CERKL: variants seen among roughly 807,000 people sequenced by gnomAD.
The protein encoded by CERKL is CERK like autophagy regulator, also known as ceramide kinase-like protein.
A neutral mutation model predicts 63.4 loss-of-function variants in CERKL; 61 were observed. The ratio of observed to expected loss-of-function variants is 0.96; its 90% CI spans 0.78 to 1.19. The LOEUF is 1.19. Ranked by LOEUF, CERKL falls within the 50% of genes most tolerant of loss-of-function variation. The probability of loss-of-function intolerance (pLI) is 0.00; values close to 1 mark genes in which losing one functional copy is unlikely to be tolerated. For missense variants in CERKL, 675 were observed against 655.5 expected (o/e 1.03, Z -0.33); for synonymous variants, 250 against 230.5 (o/e 1.08, Z -0.77).
intron 5 of CERKL, 99 bp from the exon 6 acceptor site, chr2:181,549,807 T>C: frequency 1.2e-6 from 1 of 819,676 alleles, no homozygotes; most frequent in East Asian, 2.5e-5. Context: ...AATGTTCAGA[T>C]GAAAAATAAA....
At chr2:181,582,383 A>G (rs1684549049) in intron 2 of CERKL, among the ~76,000 whole-genome samples, 1 of 152,136 alleles carries the variant, frequency 6.6e-6, no homozygotes, top group South Asian at 2.1e-4. Context: ...ACACAGCAAC[A>G]GTTGTAGGCC....
chr2:181,646,238 CCTGA>C lies in CERKL; in HGVS notation c.238+10527_238+10530del, dbSNP rs571266112. Among the ~76,000 whole-genome samples, 13 of 152,310 alleles carry C rather than the reference CCTGA, an allele frequency of 8.5e-5. No homozygotes were observed. In the East Asian group the frequency reaches 2.5e-3, roughly 29 times the overall value. On this transcript the variant is annotated intron_variant, in intron 1 of 12. Coordinates refer to ENST00000410087, the MANE Select transcript of CERKL (RefSeq NM_201548.5). Reference sequence around the variant, plus strand: ...GTGAGGCTAGAGTTACCTTCAGAATCCTGACTTAGATAACATTCCAGATAGCTTC... The same window carrying C: ...GTGAGGCTAGAGTTACCTTCAGAATCCTTAGATAACATTCCAGATAGCTTC...
rs118167421 is a variant in CERKL, at chr2:181,642,332, T to C, written c.238+14437A>G. On this transcript the variant is annotated intron_variant, in intron 1 of 12. Coordinates refer to ENST00000410087, the MANE Select transcript of CERKL (RefSeq NM_201548.5). ...CAGAACACCCGGTATCCATTTCACG[T>C]ACATCTGTTCCCAAACAGCTTAGAC... is the stretch of plus-strand genomic sequence containing the variant. 2.4e-3 allele frequency among the ~76,000 whole-genome samples: 366 copies of C among 152,344 alleles called. 11 individuals carry two copies. The East Asian group carries it at 0.053, about 22-fold the overall frequency.
Position 181,537,955 on chromosome 2 carries a change from A to C in CERKL, c.*229T>G. On this transcript the variant is annotated 3_prime_UTR_variant, in exon 13 of 13. Transcript: ENST00000410087. ...AGATTCTCATAGAAGTGCGAACCAT[A>C]TGGTGAACTGGTATGTGAGGGATCT... is the stretch of plus-strand genomic sequence containing the variant. The C allele has an allele frequency of 1.6e-6, 1 of 636,946 alleles. No individual in the cohort carries two copies. The highest frequency in any genetic ancestry group is 2.9e-6 in the Non-Finnish European group (1 of 340,090). The allele number at this position is 636,946 out of a possible 1,614,324, so 39.5% of individuals were successfully genotyped here. A position where few individuals can be genotyped will look rare whatever the true frequency, so the allele number is the denominator to read the frequency against.
intron 3 of CERKL, among the ~76,000 whole-genome samples, chr2:181,572,599 T>C (rs1361148951): frequency 6.6e-6 from 1 of 152,096 alleles, no homozygotes; most frequent in Non-Finnish European, 1.5e-5. Context: ...TAAATCTGAA[T>C]TTTCTCTTTT....
intron 1 of CERKL, among the ~76,000 whole-genome samples, chr2:181,648,793 G>A (rs544533155): frequency 9.2e-5 from 14 of 152,144 alleles, no homozygotes; most frequent in African/African-American, 2.2e-4. Context: ...TAGGGATGGC[G>A]GAGGAAAAAA....
At chr2:181,618,562 C>T (rs1037112814) in intron 1 of CERKL, among the ~76,000 whole-genome samples, 1 of 151,818 alleles carries the variant, frequency 6.6e-6, no homozygotes, top group South Asian at 2.1e-4. Flanking sequence ...GGATTACAGG[C>T]GCCCACCACC....
chr2:181,569,879 G>C (rs918841520), intron 3 of CERKL, among the ~76,000 whole-genome samples: 2 of 152,044 alleles, frequency 1.3e-5, no homozygotes, highest in Admixed American at 1.3e-4. Context: ...ACAAAGAGGC[G>C]AATGTCAGCT....
At chr2:181,592,887 G>A (rs1481452470) in intron 2 of CERKL, among the ~76,000 whole-genome samples, 2 of 152,094 alleles carry the variant, frequency 1.3e-5, no homozygotes, top group Non-Finnish European at 2.9e-5. Flanking sequence ...TGATAATGAT[G>A]AATTCTATTA....
At position 181,594,758 on chromosome 2, in the gene CERKL, G is replaced by GA. The variant is rs575985058; in HGVS notation, c.481+9078dup. On this transcript the variant is annotated intron_variant, in intron 2 of 12. Coordinates refer to ENST00000410087, the MANE Select transcript of CERKL (RefSeq NM_201548.5). ...TTGCTTTAAAGATGATCGACAAGGA[G>GA]AAAAAAATGGTTGATTTGAAAACTA... 1.3e-4 allele frequency among the ~76,000 whole-genome samples: 20 copies of GA among 152,044 alleles called. No individual in the cohort carries two copies. The South Asian group carries it at 3.7e-3, about 28-fold the overall frequency.
At chr2:181,646,995 G>A (rs1366350651) in intron 1 of CERKL, among the ~76,000 whole-genome samples, 5 of 152,190 alleles carry the variant, frequency 3.3e-5, no homozygotes, top group African/African-American at 1.2e-4. Flanking sequence ...TAGGATCAAG[G>A]CAGGGAACTG....
intron 1 of CERKL, among the ~76,000 whole-genome samples, chr2:181,613,621 CTA>C (rs993660596): frequency 1.3e-5 from 2 of 152,144 alleles, no homozygotes; most frequent in African/African-American, 4.8e-5. Flanking sequence ...AAAAGAAAAA[CTA>C]TAGGCTTAGA....
chr2:181,551,030 T>G (rs1687961338), intron 5 of CERKL, among the ~76,000 whole-genome samples: 1 of 152,152 alleles, frequency 6.6e-6, no homozygotes, highest in East Asian at 1.9e-4. Flanking sequence ...AGAAACAATG[T>G]CTTGTTCCTC....
chr2:181,627,773 A>G (rs1357103308), intron 1 of CERKL, among the ~76,000 whole-genome samples: 1 of 152,184 alleles, frequency 6.6e-6, no homozygotes, highest in African/African-American at 2.4e-5. Context: ...TGTAAGGAAC[A>G]CTGCATACAT....
In CERKL at chr2:181,538,204, C is replaced by G. The variant is rs753367773; in HGVS notation, c.1579G>C (p.Glu527Gln). 24 of 1,584,298 alleles carry G rather than the reference C, an allele frequency of 1.5e-5. 1 individual carries two copies. The South Asian group carries it at 2.3e-4, about 15-fold the overall frequency. ...RLISLYGGSM[E>Q]EMIPK Reference sequence around the variant, plus strand: ...ACATGTTACTTTGGAATCATTTCTTCCATGCTTCCTCCATAAAGACTGATA... The same window carrying G: ...ACATGTTACTTTGGAATCATTTCTTGCATGCTTCCTCCATAAAGACTGATA... Residue 527 changes from glutamate (E) to glutamine (Q), a missense_variant, in exon 13 of 13, where the codon GAA becomes CAA. By Grantham distance (29) the Glu-to-Gln change is conservative. Coordinates refer to ENST00000410087, the MANE Select transcript of CERKL (RefSeq NM_201548.5).
At position 181,633,172 on chromosome 2, in the gene CERKL, T is replaced by C. The variant is rs188284289; in HGVS notation, c.238+23597A>G. On this transcript the variant is annotated intron_variant, in intron 1 of 12. Coordinates refer to ENST00000410087, the MANE Select transcript of CERKL (RefSeq NM_201548.5). ...TATCACAGAGGCCCAAACTGAGCCA[T>C]GAAAGGTGCCACACCTAATGCAACT... Among the ~76,000 whole-genome samples, 527 of 152,254 alleles carry C rather than the reference T, an allele frequency of 3.5e-3. 2 individuals carry two copies. The highest frequency in any genetic ancestry group is 0.012 in the African/African-American group (496 of 41,560).
At chr2:181,637,005 A>G (rs1687207586) in intron 1 of CERKL, among the ~76,000 whole-genome samples, 1 of 152,132 alleles carries the variant, frequency 6.6e-6, no homozygotes, top group Admixed American at 6.5e-5. Flanking sequence ...GAGACCCCAT[A>G]ATTGGTGCTC....
intron 11 of CERKL, among the ~76,000 whole-genome samples, chr2:181,542,747 C>T (rs909885891): frequency 2.6e-5 from 4 of 152,066 alleles, no homozygotes; most frequent in African/African-American, 9.7e-5. Flanking sequence ...AGATATGCCT[C>T]GTAGAGTACA....
rs544584888 is a variant in CERKL at position 181,649,433 on chromosome 2, C to T, written c.238+7336G>A. ...ATATTCAACCTAAAGAGATAAACTC[C>T]AATACAATAATAGTAAGAGACTTTA... is the stretch of plus-strand genomic sequence containing the variant. On this transcript the variant is annotated intron_variant, in intron 1 of 12. Coordinates refer to ENST00000410087, the MANE Select transcript of CERKL (RefSeq NM_201548.5). The T allele has an allele frequency of 8.5e-5, 13 of 152,214 alleles. 1 individual carries two copies. The South Asian group carries it at 2.5e-3, about 29-fold the overall frequency. 9.4% of individuals were successfully genotyped at this position (152,214 alleles called of 1,614,324 possible).
Sources: gnomAD v4.1 joint callset for allele counts (sites outside exome capture counted in the v4.1 genomes callset) on GRCh38, gnomAD v4.1.1 for gene constraint, MANE v1.5 for transcripts, NCBI Gene and HGNC (gene_info 2026-07-23, HGNC 2026-07-21) for gene names.